PCDHGA2: variants seen among roughly 807,000 people sequenced by gnomAD.
The protein encoded by PCDHGA2 is protocadherin gamma subfamily A, 2.
A neutral mutation model predicts 59.2 loss-of-function variants in PCDHGA2; 40 were observed. That is an observed-to-expected ratio of 0.68 (90% confidence interval 0.52 to 0.88). The LOEUF is 0.88. PCDHGA2 is among the 40% of genes least tolerant of loss of function. The pLI, the probability that PCDHGA2 is intolerant of heterozygous loss-of-function variation, is 0.00. For synonymous variants in PCDHGA2, 560 were observed against 526.0 expected (o/e 1.06, Z -0.89); for missense variants, 1,226 against 1,204.0 (o/e 1.02, Z -0.27).
chr5:141,411,969 T>G (rs2095526864), intron 1 of PCDHGA2: 1 of 152,258 alleles, frequency 6.6e-6, no homozygotes, highest in Non-Finnish European at 1.5e-5. Context: ...ATAAAATCTT[T>G]GAAGAGTTCT....
intron 1 of PCDHGA2, chr5:141,422,401 C>G: frequency 6.3e-7 from 1 of 1,598,896 alleles, no homozygotes; most frequent in Non-Finnish European, 8.5e-7. Context: ...TAACCACCTG[C>G]CTTTTAAATT....
intron 1 of PCDHGA2, chr5:141,478,628 T>G (rs1245431927): frequency 6.4e-7 from 1 of 1,553,704 alleles, no homozygotes; most frequent in African/African-American, 1.4e-5. Context: ...GAGCTGTTTT[T>G]TTAGTGATGA....
At chr5:141,467,097 G>A (rs912875702) in intron 1 of PCDHGA2, among the ~76,000 whole-genome samples, 1 of 150,152 alleles carries the variant, frequency 6.7e-6, no homozygotes, top group Non-Finnish European at 1.5e-5. Context: ...CTGTCACACA[G>A]GCTGGAGTAC....
intron 1 of PCDHGA2, chr5:141,355,394 G>T: frequency 2.5e-6 from 4 of 1,614,058 alleles, no homozygotes; most frequent in Non-Finnish European, 3.4e-6. Flanking sequence ...CGCGGAGTCC[G>T]CATCGTCTCC....
rs1226558966 is a variant in PCDHGA2, at chr5:141,432,589, G to C, written c.2425-62218G>C. The C allele has an allele frequency of 6.2e-7, 1 of 1,613,916 alleles. No homozygotes were observed. The highest frequency in any genetic ancestry group is 8.5e-7 in the Non-Finnish European group (1 of 1,179,974). The stretch of plus-strand genomic sequence containing the variant: ...CCTGGCTGTCCTACCGTCTGCTCAA[G>C]GCCAGCGAGCCGGGACTCTTCTCGG... On this transcript the variant is annotated intron_variant, in intron 1 of 3. Coordinates refer to ENST00000394576, the MANE Select transcript of PCDHGA2 (RefSeq NM_018915.4). The surrounding 1 kb of genome is among the most constrained non-coding windows in gnomAD (Gnocchi z 6.0).
chr5:141,433,064 A>T, intron 1 of PCDHGA2: 1 of 1,614,064 alleles, frequency 6.2e-7, no homozygotes, highest in Non-Finnish European at 8.5e-7. Context: ...GAGTCACCTG[A>T]TCTTCCCCCA....
At chr5:141,389,714 C>A in intron 1 of PCDHGA2, 1 of 1,612,536 alleles carries the variant, frequency 6.2e-7, no homozygotes, top group South Asian at 1.1e-5. Flanking sequence ...TGCAGGCTAG[C>A]GAGCCCGGGC....
chr5:141,404,754 A>G, intron 1 of PCDHGA2: 1 of 1,612,286 alleles, frequency 6.2e-7, no homozygotes, highest in Non-Finnish European at 8.5e-7. Flanking sequence ...TCAGGCCAGA[A>G]TGCTTGGCTC....
At chr5:141,365,018 G>C in intron 1 of PCDHGA2, 1 of 1,613,880 alleles carries the variant, frequency 6.2e-7, no homozygotes, top group Non-Finnish European at 8.5e-7. Context: ...GCACATCCGT[G>C]TTACGGTCCT....
chr5:141,376,293 G>C lies in PCDHGA2; in HGVS notation c.2424+34898G>C, dbSNP rs189836587. 8,405 of 1,614,188 alleles carry C rather than the reference G, an allele frequency of 5.2e-3. 27 individuals carry two copies. Among genetic ancestry groups the C allele is most frequent in the Non-Finnish European group, 6.0e-3 (7,034 of 1,180,042 alleles). On this transcript the variant is annotated intron_variant, in intron 1 of 3. Transcript: ENST00000394576. ...GGAGGTGGCTTAGCGAGCATGCCCG[G>C]CTCGCACTTTGTGGGCGTGGAAGGG...
At chr5:141,449,538 G>A (rs1445815017) in intron 1 of PCDHGA2, among the ~76,000 whole-genome samples, 15 of 145,960 alleles carry the variant, frequency 1.0e-4, no homozygotes, top group East Asian at 4.0e-4. Flanking sequence ...GCAGTGAGCC[G>A]AGATCGCACC....
intron 2 of PCDHGA2, among the ~76,000 whole-genome samples, chr5:141,503,682 G>A (rs1430771639): frequency 1.3e-5 from 2 of 151,974 alleles, no homozygotes; most frequent in South Asian, 4.1e-4. Flanking sequence ...CTTTTGGGAA[G>A]GAGAATTGAG....
At chr5:141,382,161 G>A (rs539029748) in intron 1 of PCDHGA2, among the ~76,000 whole-genome samples, 2 of 151,904 alleles carry the variant, frequency 1.3e-5, no homozygotes, top group Admixed American at 6.6e-5. Flanking sequence ...TAAAATGAAG[G>A]TGTTAGACCG....
At chr5:141,352,801 C>T (rs1759112058) in intron 1 of PCDHGA2, 1 of 912,248 alleles carries the variant, frequency 1.1e-6, no homozygotes, top group Non-Finnish European at 1.6e-6. Flanking sequence ...ACCAGCATAG[C>T]CAAGATGGTA....
chr5:141,421,904 C>T (rs1561797509), intron 1 of PCDHGA2: 1 of 1,613,734 alleles, frequency 6.2e-7, no homozygotes, highest in Admixed American at 1.7e-5. Flanking sequence ...CGAAAGGGCG[C>T]AGTTCCCATT....
At chr5:141,368,717 A>C (rs1429759647) in intron 1 of PCDHGA2, among the ~76,000 whole-genome samples, 2 of 152,218 alleles carry the variant, frequency 1.3e-5, no homozygotes, top group Non-Finnish European at 2.9e-5. Flanking sequence ...TACATTTTGA[A>C]TGTATGTACT....
intron 1 of PCDHGA2, chr5:141,395,364 AT>A: frequency 1.6e-6 from 2 of 1,264,440 alleles, no homozygotes; most frequent in Non-Finnish European, 2.1e-6. Context: ...TTTTGGGTTT[AT>A]TTTGGTGGTG....
Position 141,494,808 on chromosome 5 carries a change from A to G in PCDHGA2, c.2426A>G (p.Gln809Arg). The G allele has an allele frequency of 1.9e-6, 3 of 1,614,014 alleles. No individual in the cohort carries two copies. Among genetic ancestry groups the G allele is most frequent in the Non-Finnish European group, 2.5e-6 (3 of 1,179,982 alleles). The change falls in exon 2 of 4, where the codon CAA becomes CGA. Residue 809 changes from glutamine to arginine, a missense_variant and splice_region_variant. Gln to Arg is a conservative substitution (Grantham distance 43, BLOSUM62 1). Coordinates refer to ENST00000394576, the MANE Select transcript of PCDHGA2 (RefSeq NM_018915.4). ...CCTTTCCCTCTGTTTTCTCCACAGC[A>G]AGCCCCGCCCAACACGGACTGGCGT... ...EEEREETFSQ[Q>R]APPNTDWRFS...
In PCDHGA2 at chr5:141,340,536, A is replaced by G. The variant is rs201470140; in HGVS notation, c.1565A>G (p.Tyr522Cys). Residue 522 changes from tyrosine (Y) to cysteine (C), a missense_variant, in exon 1 of 4, where the codon TAT becomes TGT. Transcript: ENST00000394576. ...CTCTATGCACTGCGCTCCTTTGATT[A>G]TGAGCAGTTGCGAGACTTGCAAGTG... ...GVLYALRSFD[Y>C]EQLRDLQVWV... The G allele has an allele frequency of 6.2e-7, 1 of 1,614,234 alleles. No individual in the cohort carries two copies. Among genetic ancestry groups the G allele is most frequent in the South Asian group, 1.1e-5 (1 of 91,080 alleles).
Sources: allele counts gnomAD v4.1 joint callset (sites outside exome capture counted in the v4.1 genomes callset), GRCh38; gene constraint gnomAD v4.1.1; non-coding constraint Gnocchi (gnomAD v3.1); transcripts MANE v1.5; gene names NCBI Gene and HGNC (gene_info 2026-07-23, HGNC 2026-07-21).